RETREG1: variants seen among roughly 807,000 people sequenced by gnomAD.
RETREG1 encodes reticulophagy regulator 1.
In RETREG1, 44 loss-of-function variants were observed where a neutral mutation model predicts 54.8. That is an observed-to-expected ratio of 0.80 (90% CI 0.63 to 1.03). The LOEUF (loss-of-function observed/expected upper bound fraction) is 1.03. Ranked by LOEUF, RETREG1 falls within the 50% of genes least tolerant of loss-of-function variation. The probability of loss-of-function intolerance (pLI) is 0.00; values close to 1 mark genes in which losing one functional copy is unlikely to be tolerated. For synonymous variants in RETREG1, 217 were observed against 238.5 expected, an observed-to-expected ratio of 0.91 and a Z score of 0.83; for missense variants, 554 against 605.1, an observed-to-expected ratio of 0.92 and a Z score of 0.89.
intron 3 of RETREG1, among the ~76,000 whole-genome samples, chr5:16,530,790 C>T (rs162862): frequency 0.86 from 130,046 of 151,938 alleles, 55,713 homozygotes; most frequent in Middle Eastern, 0.88. Flanking sequence ...GAAGAATTGC[C>T]TGAACCCAGG....
At chr5:16,580,862 C>T (rs909083259) in intron 1 of RETREG1, among the ~76,000 whole-genome samples, 2 of 152,188 alleles carry the variant, frequency 1.3e-5, no homozygotes, top group Non-Finnish European at 2.9e-5. Context: ...CAATAACCCC[C>T]TTCCCAGACA....
chr5:16,544,950 AATGT>A (rs1483165419), intron 3 of RETREG1, among the ~76,000 whole-genome samples: 2 of 152,262 alleles, frequency 1.3e-5, no homozygotes, highest in African/African-American at 2.4e-5. Context: ...ATAGGAACAA[AATGT>A]ATGCCAAGAA....
intron 3 of RETREG1, among the ~76,000 whole-genome samples, chr5:16,531,305 G>A (rs1035787071): frequency 1.3e-5 from 2 of 152,120 alleles, no homozygotes; most frequent in Non-Finnish European, 2.9e-5. Context: ...TTCTTCTCTC[G>A]AATCATCCAT....
chr5:16,522,239 T>C (rs1397003785), intron 3 of RETREG1, among the ~76,000 whole-genome samples: 1 of 151,988 alleles, frequency 6.6e-6, no homozygotes, highest in African/African-American at 2.4e-5. Flanking sequence ...AGGCCTTGAT[T>C]TATGAGATCT....
rs1450935416 is a variant in RETREG1 at position 16,492,555 on chromosome 5, T to C, written c.459-9083A>G. On this transcript the variant is annotated intron_variant, in intron 3 of 8. Coordinates refer to ENST00000306320, the MANE Select transcript of RETREG1 (RefSeq NM_001034850.3). Reference sequence around the variant, plus strand: ...GCAACCATCACACCTATAAATATGCTTTGGCTTGGAGACCTTTCATTCTCA... The same window carrying C: ...GCAACCATCACACCTATAAATATGCCTTGGCTTGGAGACCTTTCATTCTCA... Among the ~76,000 whole-genome samples, 3 of 152,084 alleles carry C rather than the reference T, an allele frequency of 2.0e-5. No homozygotes were observed. The South Asian group carries it at 6.2e-4, about 32-fold the overall frequency.
At chr5:16,577,465 C>A (rs967930969) in intron 1 of RETREG1, among the ~76,000 whole-genome samples, 1 of 152,050 alleles carries the variant, frequency 6.6e-6, no homozygotes, top group African/African-American at 2.4e-5. Context: ...GCCCTTCACT[C>A]CTGCTTCGAG....
chr5:16,553,135 T>C (rs573706167), intron 3 of RETREG1, among the ~76,000 whole-genome samples: 43 of 152,308 alleles, frequency 2.8e-4, no homozygotes, highest in African/African-American at 9.1e-4. Context: ...TAAATGACCA[T>C]TTGTACTGCC....
At chr5:16,518,130 A>G (rs1440989103) in intron 3 of RETREG1, among the ~76,000 whole-genome samples, 1 of 148,142 alleles carries the variant, frequency 6.8e-6, no homozygotes, top group African/African-American at 2.4e-5. Context: ...ATAATTGTAT[A>G]TATTTATATA....
intron 3 of RETREG1, among the ~76,000 whole-genome samples, chr5:16,517,970 A>G (rs1740411481): frequency 1.3e-5 from 2 of 151,806 alleles, no homozygotes; most frequent in Non-Finnish European, 2.9e-5. Context: ...CATTGTTAGG[A>G]AAGTCTTTCC....
At chr5:16,581,473 G>A (rs749202889) in intron 1 of RETREG1, among the ~76,000 whole-genome samples, 23 of 151,730 alleles carry the variant, frequency 1.5e-4, no homozygotes, top group Non-Finnish European at 2.8e-4. Flanking sequence ...CCCCATCACA[G>A]TGACCAATAA....
chr5:16,477,035 C>A (rs1246609873), intron 8 of RETREG1, among the ~76,000 whole-genome samples: 1 of 152,100 alleles, frequency 6.6e-6, no homozygotes, highest in Non-Finnish European at 1.5e-5. Flanking sequence ...GAGGACTAGG[C>A]CTAAATGTGT....
intron 3 of RETREG1, among the ~76,000 whole-genome samples, chr5:16,500,908 CCAGGTAACTTTGCA>C (rs1739682238): frequency 6.6e-6 from 1 of 151,180 alleles, no homozygotes; most frequent in Non-Finnish European, 1.5e-5. Flanking sequence ...AAAAGGGGCC[CCAGGTAACTTTGCA>C]CACCCCCTAG....
chr5:16,578,713 G>C (rs938993004), intron 1 of RETREG1, among the ~76,000 whole-genome samples: 10 of 152,088 alleles, frequency 6.6e-5, no homozygotes, highest in African/African-American at 2.4e-4. Flanking sequence ...TTCAATTTCC[G>C]GCAGCATCCT....
intron 3 of RETREG1, among the ~76,000 whole-genome samples, chr5:16,536,507 G>A (rs1464372981): frequency 6.6e-6 from 1 of 151,824 alleles, no homozygotes; most frequent in East Asian, 1.9e-4. Flanking sequence ...TTCACCCCTG[G>A]ACCCTGACAT....
intron 3 of RETREG1, among the ~76,000 whole-genome samples, chr5:16,559,556 G>A (rs1315730537): frequency 6.6e-6 from 1 of 152,090 alleles, no homozygotes; most frequent in East Asian, 1.9e-4. Flanking sequence ...TAGATGCCAA[G>A]GAAAAAATTG....
At chr5:16,512,956 C>T (rs1465970920) in intron 3 of RETREG1, among the ~76,000 whole-genome samples, 1 of 151,926 alleles carries the variant, frequency 6.6e-6, no homozygotes, top group Admixed American at 6.6e-5. Context: ...ACTGCCAGGG[C>T]CCACTGTGCC....
At chr5:16,562,496 T>G (rs1165619223) in intron 3 of RETREG1, among the ~76,000 whole-genome samples, 5 of 152,144 alleles carry the variant, frequency 3.3e-5, no homozygotes, top group Non-Finnish European at 5.9e-5. Context: ...CTGGCTGTTC[T>G]CATCAACAGC....
At chr5:16,477,134 T>C (rs1461609221) in intron 8 of RETREG1, among the ~76,000 whole-genome samples, 1 of 152,124 alleles carries the variant, frequency 6.6e-6, no homozygotes, top group Non-Finnish European at 1.5e-5. Flanking sequence ...TTTTGATTAT[T>C]TTGTTTTCAA....
In RETREG1 at chr5:16,474,048, A is replaced by G. The variant is rs1048556053; in HGVS notation, c.*693T>C. ...TGTGATACACAACTGCTTGCTTTCT[A>G]TGGGTTAATACCACCCACTGCAAGA... is the stretch of plus-strand genomic sequence containing the variant. On this transcript the variant is annotated 3_prime_UTR_variant, in exon 9 of 9. Coordinates refer to ENST00000306320, the MANE Select transcript of RETREG1 (RefSeq NM_001034850.3). 1.3e-5 allele frequency: 2 copies of G among 152,416 alleles called. No homozygotes were observed. Among genetic ancestry groups the G allele is most frequent in the Admixed American group, 6.5e-5 (1 of 15,278 alleles). The allele number at this position is 152,416 out of a possible 1,614,324, so 9.4% of individuals were successfully genotyped here.
Sources: gnomAD v4.1 joint callset for allele counts (sites outside exome capture counted in the v4.1 genomes callset) on GRCh38, gnomAD v4.1.1 for gene constraint, MANE v1.5 for transcripts, NCBI Gene and HGNC (gene_info 2026-07-23, HGNC 2026-07-21) for gene names.